The following LRRC75B variants were observed in gnomAD, a reference collection of about 807,000 sequenced individuals.
The protein encoded by LRRC75B is leucine rich repeat containing 75B.
In LRRC75B, 20 loss-of-function variants were observed where a neutral mutation model predicts 16.5. That is an observed-to-expected ratio of 1.21 (90% CI 0.85 to 1.76). LRRC75B has a LOEUF of 1.76. Ranked by LOEUF, LRRC75B falls within the 40% of genes most tolerant of loss-of-function variation. The pLI is 0.00. For missense variants in LRRC75B, 406 were observed against 417.0 expected (o/e 0.97, Z 0.23); for synonymous variants, 199 against 198.1 (o/e 1.00, Z -0.04).
rs1300656944 is a variant in LRRC75B, at chr22:24,589,721, G to A, written c.306+100C>T. On this transcript the variant is annotated intron_variant, in intron 2 of 3. Transcript: ENST00000318753. Reference sequence around the variant, plus strand: ...TGACTTGCCTAAGGCCACACAGCAAGCCGCAGAAGGACCTAGCCTCCCAGT... The same window carrying A: ...TGACTTGCCTAAGGCCACACAGCAAACCGCAGAAGGACCTAGCCTCCCAGT... 16 of 1,355,152 alleles carry A rather than the reference G, an allele frequency of 1.2e-5. 1 individual carries two copies. The highest frequency in any genetic ancestry group is 5.0e-4 in the Middle Eastern group (2 of 3,966). 83.9% of individuals were successfully genotyped at this position (1,355,152 alleles called of 1,614,324 possible).
rs200556022 is a variant in LRRC75B at position 24,588,221 on chromosome 22, G to C, written c.415C>G (p.Gln139Glu). 6.2e-7 allele frequency: 1 copy of C among 1,612,228 alleles called. No individual in the cohort carries two copies. The highest frequency in any genetic ancestry group is 1.1e-5 in the South Asian group (1 of 90,566). ...TGGCTGGGCTACCCTTACCAGCTCTGGGTCTTCCTCTGGCGCAGGCTGGAC... is the reference window on the plus strand; with the variant it reads ...TGGCTGGGCTACCCTTACCAGCTCTCGGTCTTCCTCTGGCGCAGGCTGGAC... Reference protein sequence around the residue: ...QGSSLRQRKTQSCLKSSLQKT... With the variant: ...QGSSLRQRKTESCLKSSLQKT... The change falls in exon 3 of 4, where the codon CAG (glutamine) becomes GAG (glutamate). Residue 139 changes from glutamine (Q) to glutamate (E), a missense_variant. Coordinates refer to ENST00000318753, the MANE Select transcript of LRRC75B (RefSeq NM_207644.3).
chr22:24,585,722 G>T lies in LRRC75B; in HGVS notation c.*164C>A. On this transcript the variant is annotated 3_prime_UTR_variant, in exon 4 of 4. Coordinates refer to ENST00000318753, the MANE Select transcript of LRRC75B (RefSeq NM_207644.3). ...AAGGCTGAGCCTCTAGCCAGGGCTG[G>T]CCACCTGGCCACCTATGAGTCCATT... is the stretch of plus-strand genomic sequence containing the variant. 1.2e-6 allele frequency: 1 copy of T among 817,238 alleles called. No individual in the cohort carries two copies. The allele number at this position is 817,238 out of a possible 1,614,324, so 50.6% of individuals were successfully genotyped here.
At chr22:24,587,128 C>T (rs1181335217) in intron 3 of LRRC75B, among the ~76,000 whole-genome samples, 1 of 152,180 alleles carries the variant, frequency 6.6e-6, no homozygotes, top group Non-Finnish European at 1.5e-5. Context: ...GTTTTTTTCC[C>T]TGTGCCCCTT....
chr22:24,589,119 C>T, intron 2 of LRRC75B: 1 of 1,121,426 alleles, frequency 8.9e-7, no homozygotes, highest in Non-Finnish European at 1.1e-6. Context: ...GCTGGCAGGG[C>T]CCAGAGCGGA....
chr22:24,588,392 G>A (rs947617388), intron 2 of LRRC75B, 63 bp from the exon 3 acceptor site: 4 of 1,308,512 alleles, frequency 3.1e-6, no homozygotes, highest in Non-Finnish European at 3.3e-6. Context: ...AGGGCCTTGG[G>A]GAGAGGGACC....
At chr22:24,589,214 G>A (rs764179535) in intron 2 of LRRC75B, 73 of 1,250,770 alleles carry the variant, frequency 5.8e-5, no homozygotes, top group Admixed American at 1.4e-4. Context: ...GGGCTGTGTC[G>A]ATGCTCATGG....
At chr22:24,590,263 G>A (rs539014868) in intron 1 of LRRC75B, among the ~76,000 whole-genome samples, 1 of 152,216 alleles carries the variant, frequency 6.6e-6, no homozygotes, top group East Asian at 1.9e-4. Flanking sequence ...GAGGAGCTGG[G>A]GCTATAGACA....
intron 1 of LRRC75B, chr22:24,592,518 A>G: frequency 4.6e-6 from 2 of 437,286 alleles, no homozygotes; most frequent in Non-Finnish European, 9.3e-6. Context: ...CCATCTTGCC[A>G]GGGCCTGAAT....
chr22:24,589,173 G>A (rs1186843483), intron 2 of LRRC75B: 8 of 1,175,564 alleles, frequency 6.8e-6, no homozygotes, highest in Non-Finnish European at 8.6e-6. Flanking sequence ...AGGAGTCTGG[G>A]TCCGGTGGCT....
chr22:24,585,846 G>A lies in LRRC75B; in HGVS notation c.*40C>T. The A allele has an allele frequency of 1.3e-6, 2 of 1,505,784 alleles. No homozygotes were observed. The highest frequency in any genetic ancestry group is 8.9e-7 in the Non-Finnish European group (1 of 1,125,226). 93.3% of individuals were successfully genotyped at this position (1,505,784 alleles called of 1,614,324 possible). Reference sequence around the variant, plus strand: ...ATCGCCCACTATCATGTGCTTGAGAGCATCACAAGTCAGTAGCAATGAGCC... The same window carrying A: ...ATCGCCCACTATCATGTGCTTGAGAACATCACAAGTCAGTAGCAATGAGCC... On this transcript the variant is annotated 3_prime_UTR_variant, in exon 4 of 4. Transcript: ENST00000318753.
intron 3 of LRRC75B, among the ~76,000 whole-genome samples, chr22:24,587,371 CCA>C (rs2045426668): frequency 6.6e-6 from 1 of 152,182 alleles, no homozygotes; most frequent in Non-Finnish European, 1.5e-5. Flanking sequence ...AGGTCTCTCC[CCA>C]GTTATCTGAA....
At chr22:24,592,829 C>T in intron 1 of LRRC75B, 34 bp downstream of exon 1, 1 of 1,270,544 alleles carries the variant, frequency 7.9e-7, no homozygotes, top group South Asian at 2.3e-5. Flanking sequence ...CCTCCCTGGC[C>T]GCCAGCCCAG....
chr22:24,589,673 C>G (rs1443864929), intron 2 of LRRC75B, 148 bp downstream of exon 2: 1 of 892,602 alleles, frequency 1.1e-6, no homozygotes, highest in Non-Finnish European at 1.6e-6. Context: ...CTGATGCTGG[C>G]AGCAGGTCTC....
intron 2 of LRRC75B, chr22:24,588,829 C>T: frequency 3.9e-6 from 4 of 1,013,000 alleles, no homozygotes; most frequent in Non-Finnish European, 3.5e-6. Context: ...TCTGGGCTGA[C>T]AGGGCTGGGG....
Position 24,589,824 on chromosome 22 carries a change from C to G in LRRC75B, c.303G>C (p.Lys101Asn). 6.2e-7 allele frequency: 1 copy of G among 1,612,504 alleles called. No homozygotes were observed. The highest frequency in any genetic ancestry group is 8.5e-7 in the Non-Finnish European group (1 of 1,179,460). The change falls in exon 2 of 4, where the codon AAG becomes AAC. Residue 101 changes from lysine (K) to asparagine (N), a missense_variant. Physicochemically the swap from Lys to Asn is moderately conservative, Grantham distance 94. Coordinates refer to ENST00000318753, the MANE Select transcript of LRRC75B (RefSeq NM_207644.3). ...VNLARDLQCPKKDYELWKSSD... is the reference protein window; with the variant it reads ...VNLARDLQCPNKDYELWKSSD... Reference sequence around the variant, plus strand: ...GGCCCGTGCCTGCCAGCCTCACCTTCTTGGGGCACTGCAGGTCCCGGGCCA... The same window carrying G: ...GGCCCGTGCCTGCCAGCCTCACCTTGTTGGGGCACTGCAGGTCCCGGGCCA...
At position 24,592,943 on chromosome 22, in the gene LRRC75B, G is replaced by A. The variant is rs1162658327; in HGVS notation, c.97C>T (p.Arg33Trp). The A allele has an allele frequency of 2.4e-6, 3 of 1,226,788 alleles. No homozygotes were observed. Among genetic ancestry groups the A allele is most frequent in the Non-Finnish European group, 3.1e-6 (3 of 981,530 alleles). 76.0% of individuals were successfully genotyped at this position (1,226,788 alleles called of 1,614,324 possible). Reference sequence around the variant, plus strand: ...GTGGACTGGATCTCGCGGAGCCACCGCACCCGGCGCTCGTAGGGCGCGGGC... The same window carrying A: ...GTGGACTGGATCTCGCGGAGCCACCACACCCGGCGCTCGTAGGGCGCGGGC... Reference protein sequence around the residue: ...CGPAPYERRVRWLREIQSTLR... With the variant: ...CGPAPYERRVWWLREIQSTLR... Residue 33 changes from arginine to tryptophan, a missense_variant, in exon 1 of 4, where the codon CGG becomes TGG. Arg to Trp is a moderately radical substitution (Grantham distance 101). Coordinates refer to ENST00000318753, the MANE Select transcript of LRRC75B (RefSeq NM_207644.3).
At chr22:24,592,814 C>G (rs1278875767) in intron 1 of LRRC75B, 49 bp downstream of exon 1, 1 of 1,268,368 alleles carries the variant, frequency 7.9e-7, no homozygotes, top group Non-Finnish European at 1.0e-6. Context: ...CCCAGACCCC[C>G]AGACCCTCCC....
chr22:24,588,150 G>A (rs1056423836), intron 3 of LRRC75B, 64 bp downstream of exon 3: 4 of 1,270,802 alleles, frequency 3.1e-6, no homozygotes, highest in African/African-American at 1.5e-5. Context: ...GAGAGTGCAG[G>A]TGTCAACCTG....
Position 24,589,909 on chromosome 22 carries a change from T to C in LRRC75B, c.218A>G (p.Tyr73Cys), listed in dbSNP as rs773556996. ...LERTLLPDIL[Y>C]RDVAFLNPVD... Reference sequence around the variant, plus strand: ...CGGGTTGAGGAAGGCCACATCTCTGTAGAGGATATCAGGAAGGAGGGTCCT... The same window carrying C: ...CGGGTTGAGGAAGGCCACATCTCTGCAGAGGATATCAGGAAGGAGGGTCCT... The change falls in exon 2 of 4, where the codon TAC (tyrosine) becomes TGC (cysteine). Residue 73 changes from tyrosine to cysteine, a missense_variant. Physicochemically the swap from Tyr to Cys is radical, Grantham distance 194 (BLOSUM62 -2). Coordinates refer to ENST00000318753, the MANE Select transcript of LRRC75B (RefSeq NM_207644.3). 9 of 1,612,632 alleles carry C rather than the reference T, an allele frequency of 5.6e-6. No individual in the cohort carries two copies. Among genetic ancestry groups the C allele is most frequent in the East Asian group, 2.2e-5 (1 of 44,856 alleles).
Sources: allele counts gnomAD v4.1 joint callset (sites outside exome capture counted in the v4.1 genomes callset), GRCh38; gene constraint gnomAD v4.1.1; transcripts MANE v1.5; gene names NCBI Gene and HGNC (gene_info 2026-07-23, HGNC 2026-07-21).